The following THOC5 variants were observed in gnomAD, a reference collection of about 807,000 sequenced individuals.
THOC5 encodes the protein THO complex subunit 5, also known as Fms-interacting protein.
A neutral mutation model predicts 92.9 loss-of-function variants in THOC5; 43 were observed. The ratio of observed to expected loss-of-function variants is 0.46; its 90% CI spans 0.36 to 0.60. THOC5 has a LOEUF of 0.60. THOC5 is among the 20% of genes least tolerant of loss of function. THOC5 has a pLI of 0.00. For missense variants in THOC5, 659 were observed against 849.4 expected (o/e 0.78, Z 2.79); for synonymous variants, 296 against 320.1 (o/e 0.92, Z 0.80).
chr22:29,550,410 A>C (rs759764416), intron 1 of THOC5, among the ~76,000 whole-genome samples: 2 of 151,700 alleles, frequency 1.3e-5, no homozygotes, highest in Admixed American at 6.6e-5. Flanking sequence ...TAGAACCTAC[A>C]TTTCATGGGG....
At position 29,520,022 on chromosome 22, in the gene THOC5, T is replaced by A; in HGVS notation, c.1360A>T (p.Lys454Ter). ...AGTGTACAGACCTGGGGCTGCTCTT[T>A]GGGGAAGTGGAGGCCACCCAGCTTC... ...VQKLGGLHFPKEQPQQTVIAD... is the reference protein window; with the variant it reads ...VQKLGGLHFP Residue 454 changes from lysine (K) to a stop codon, truncating the protein, a stop_gained, in exon 14 of 20, where the codon AAA becomes TAA. Transcript: ENST00000490103. LOFTEE classifies it high-confidence loss of function. 6.2e-7 allele frequency: 1 copy of A among 1,613,762 alleles called. No individual in the cohort carries two copies. The highest frequency in any genetic ancestry group is 8.5e-7 in the Non-Finnish European group (1 of 1,179,916).
chr22:29,531,191 T>C (rs2063647154), intron 8 of THOC5: 1 of 1,065,652 alleles, frequency 9.4e-7, no homozygotes, highest in Non-Finnish European at 1.2e-6. Flanking sequence ...GACAGTAATG[T>C]GTTGGTGCCC....
intron 5 of THOC5, among the ~76,000 whole-genome samples, chr22:29,539,975 T>C (rs780569657): frequency 6.6e-6 from 1 of 152,172 alleles, no homozygotes; most frequent in Non-Finnish European, 1.5e-5. Context: ...TAGTGATTTA[T>C]ATGTATAAAA....
intron 5 of THOC5, 56 bp from the exon 6 acceptor site, chr22:29,539,532 T>C: frequency 1.3e-6 from 2 of 1,579,688 alleles, no homozygotes; most frequent in Non-Finnish European, 1.7e-6. Context: ...AACTGTAGTT[T>C]AAGCAGGCCC....
At chr22:29,544,944 C>T (rs906462805) in intron 2 of THOC5, 13 of 289,734 alleles carry the variant, frequency 4.5e-5, no homozygotes, top group Admixed American at 3.9e-4. Flanking sequence ...GTAAACAAAA[C>T]GGGATCATAC....
At chr22:29,525,721 G>A in intron 12 of THOC5, 117 bp downstream of exon 12, 3 of 698,972 alleles carry the variant, frequency 4.3e-6, no homozygotes, top group Non-Finnish European at 7.3e-6. Flanking sequence ...TACAAGACAA[G>A]TCAACACAGC....
At chr22:29,531,309 A>G in intron 8 of THOC5, 1 of 985,418 alleles carries the variant, frequency 1.0e-6, no homozygotes, top group Non-Finnish European at 1.2e-6. Context: ...TTAGGGCAAA[A>G]GGCAGAGTCT....
At chr22:29,525,681 C>T (rs2063528259) in intron 12 of THOC5, among the ~76,000 whole-genome samples, 157 bp downstream of exon 12, 1 of 152,130 alleles carries the variant, frequency 6.6e-6, no homozygotes, top group African/African-American at 2.4e-5. Context: ...TAAATACCAG[C>T]GATGTGCCAG....
Position 29,528,470 on chromosome 22 carries a change from C to T in THOC5, c.926-4G>A. 1 of 1,613,050 alleles carries T rather than the reference C, an allele frequency of 6.2e-7. No homozygotes were observed. The highest frequency in any genetic ancestry group is 1.3e-5 in the African/African-American group (1 of 74,994). The stretch of plus-strand genomic sequence containing the variant: ...GCATCTGAGTCACTCTCGTCATCTG[C>T]AGCCACAGAGAGAAGGCAGCTAGAG... On this transcript the variant is annotated splice_region_variant and splice_polypyrimidine_tract_variant and intron_variant, in intron 9 of 19. Coordinates refer to ENST00000490103, the MANE Select transcript of THOC5 (RefSeq NM_003678.5).
At chr22:29,515,027 G>A (rs1320881341) in intron 17 of THOC5, among the ~76,000 whole-genome samples, 1 of 147,872 alleles carries the variant, frequency 6.8e-6, no homozygotes, top group Non-Finnish European at 1.5e-5. Context: ...TTAAATTAAG[G>A]TATATATATT....
Position 29,528,437 on chromosome 22 carries a change from C to A in THOC5, c.955G>T (p.Glu319Ter), listed in dbSNP as rs746243178. 5.0e-6 allele frequency: 8 copies of A among 1,613,718 alleles called. No homozygotes were observed. The highest frequency in any genetic ancestry group is 5.9e-6 in the Non-Finnish European group (7 of 1,180,036). Residue 319 changes from glutamate to a stop codon, truncating the protein, a stop_gained, in exon 10 of 20, where the codon GAG becomes TAG. Coordinates refer to ENST00000490103, the MANE Select transcript of THOC5 (RefSeq NM_003678.5). LOFTEE classifies it high-confidence loss of function. ...DDESDSDAEE[E>*]QTTKRRRPTL... ...GAAATGGTTCTCACCGTAGTCTGCT[C>A]CTCCTCGGCATCTGAGTCACTCTCG... is the stretch of plus-strand genomic sequence containing the variant.
At chr22:29,512,265 T>C (rs1047189092) in intron 17 of THOC5, 129 bp from the exon 18 acceptor site, 1 of 686,460 alleles carries the variant, frequency 1.5e-6, no homozygotes, top group African/African-American at 1.8e-5. Flanking sequence ...CAGAGTATAT[T>C]CTGGTACCAA....
chr22:29,517,167 A>C, intron 16 of THOC5, 51 bp from the exon 17 acceptor site: 4 of 1,609,910 alleles, frequency 2.5e-6, no homozygotes, highest in Non-Finnish European at 3.4e-6. Context: ...CTCTGGTTAA[A>C]CCCCCTGCTC....
At position 29,528,112 on chromosome 22, in the gene THOC5, G is replaced by A. The variant is rs957819584; in HGVS notation, c.1032C>T (p.His344=). The change falls in exon 11 of 20, where the codon CAC becomes CAT. Residue 344 remains histidine (H), a synonymous_variant. Transcript: ENST00000490103. ...DDKRKEMLKR[H]PLSVMLDLKC... ...TCAGGTCGAGCATGACAGACAGTGG[G>A]TGCCTCTTCAGCATCTCCTTGCGTT... 1.2e-6 allele frequency: 2 copies of A among 1,614,050 alleles called. No homozygotes were observed. Among genetic ancestry groups the A allele is most frequent in the African/African-American group, 2.7e-5 (2 of 74,930 alleles).
intron 3 of THOC5, 82 bp from the exon 4 acceptor site, chr22:29,543,624 C>T (rs1733202288): frequency 1.0e-6 from 1 of 986,294 alleles, no homozygotes; most frequent in African/African-American, 1.7e-5. Flanking sequence ...GACCCATCCT[C>T]ATCTGGGGCC....
intron 8 of THOC5, chr22:29,531,131 G>C: frequency 8.5e-7 from 1 of 1,174,282 alleles, no homozygotes; most frequent in South Asian, 1.7e-5. Context: ...AAACAGGAGG[G>C]AGAACAAAGG....
rs539356769 is a variant in THOC5 at position 29,540,190 on chromosome 22, C to G, written c.453-714G>C. 2.4e-3 allele frequency among the ~76,000 whole-genome samples: 371 copies of G among 152,104 alleles called. 4 individuals carry two copies. Among genetic ancestry groups the G allele is most frequent in the Non-Finnish European group, 4.0e-3 (273 of 67,984 alleles). Reference sequence around the variant, plus strand: ...AGGAGGCTGAGGCAGGAGAATCGCTCGAACCCAGGAGGCAGAGGTTGCGGT... The same window carrying G: ...AGGAGGCTGAGGCAGGAGAATCGCTGGAACCCAGGAGGCAGAGGTTGCGGT... On this transcript the variant is annotated intron_variant, in intron 5 of 19. Coordinates refer to ENST00000490103, the MANE Select transcript of THOC5 (RefSeq NM_003678.5).
chr22:29,512,228 A>C, intron 17 of THOC5, 92 bp from the exon 18 acceptor site: 1 of 905,566 alleles, frequency 1.1e-6, no homozygotes, highest in Non-Finnish European at 1.8e-6. Flanking sequence ...AGGCTAGCTC[A>C]GATGTCTCCT....
chr22:29,536,466 C>A, intron 7 of THOC5, 158 bp downstream of exon 7: 1 of 594,706 alleles, frequency 1.7e-6, no homozygotes, highest in South Asian at 2.1e-5. Context: ...CTCCCAGACA[C>A]AAGCTTATCA....
Sources: gnomAD v4.1 joint callset for allele counts (sites outside exome capture counted in the v4.1 genomes callset) on GRCh38, gnomAD v4.1.1 for gene constraint, MANE v1.5 for transcripts, NCBI Gene and HGNC (gene_info 2026-07-23, HGNC 2026-07-21) for gene names.